The following ARL15 variants were observed in gnomAD, a reference collection of about 807,000 sequenced individuals.
The protein encoded by ARL15 is ARF like GTPase 15.
ARL15 carries 19 observed loss-of-function variants against 25.2 expected under a neutral mutation model. The observed-to-expected ratio is 0.75, with a 90% CI of 0.53 to 1.10. ARL15 has a LOEUF of 1.10. Among genes scored for constraint, ARL15 ranks in the 50% least tolerant of loss-of-function variants. The pLI, the probability that ARL15 is intolerant of heterozygous loss-of-function variation, is 0.00. For missense variants in ARL15, 220 were observed against 246.0 expected (o/e 0.89, Z 0.71); for synonymous variants, 94 against 86.8 (o/e 1.08, Z -0.46).
At chr5:53,964,148 C>G (rs752869911) in intron 4 of ARL15, among the ~76,000 whole-genome samples, 1 of 152,110 alleles carries the variant, frequency 6.6e-6, no homozygotes, top group Non-Finnish European at 1.5e-5. Flanking sequence ...CTACCTGTTC[C>G]TCCCTCATCT....
At chr5:54,289,395 G>A (rs564201826) in intron 1 of ARL15, among the ~76,000 whole-genome samples, 1 of 151,786 alleles carries the variant, frequency 6.6e-6, no homozygotes, top group East Asian at 1.9e-4. Context: ...GTGCAGGAGA[G>A]GGTGGATTTC....
intron 1 of ARL15, among the ~76,000 whole-genome samples, chr5:54,260,240 C>A (rs1344831524): frequency 6.6e-6 from 1 of 152,174 alleles, no homozygotes; most frequent in Non-Finnish European, 1.5e-5. Context: ...CAGAGCCACT[C>A]TGAGCTTAAA....
intron 4 of ARL15, among the ~76,000 whole-genome samples, chr5:54,075,105 C>A (rs1751555511): frequency 2.2e-5 from 3 of 135,468 alleles, no homozygotes; most frequent in African/African-American, 2.7e-5. Context: ...CCTGGCCTAT[C>A]ATTATACTGT....
At chr5:53,953,262 A>G (rs1747037591) in intron 4 of ARL15, among the ~76,000 whole-genome samples, 1 of 152,302 alleles carries the variant, frequency 6.6e-6, no homozygotes, top group Non-Finnish European at 1.5e-5. Flanking sequence ...TTATCCATAA[A>G]ATAAATGAGA....
intron 1 of ARL15, among the ~76,000 whole-genome samples, chr5:54,238,361 C>A (rs886721594): frequency 6.6e-6 from 1 of 152,084 alleles, no homozygotes; most frequent in Non-Finnish European, 1.5e-5. Flanking sequence ...CTAATACACA[C>A]AACAATCACA....
intron 4 of ARL15, among the ~76,000 whole-genome samples, chr5:53,971,710 T>C (rs1315986141): frequency 1.3e-5 from 2 of 152,288 alleles, no homozygotes; most frequent in East Asian, 3.9e-4. Context: ...ATAACAAGTC[T>C]CCTTATGCAT....
At chr5:54,295,926 C>G (rs1474957357) in intron 1 of ARL15, among the ~76,000 whole-genome samples, 1 of 152,212 alleles carries the variant, frequency 6.6e-6, no homozygotes, top group African/African-American at 2.4e-5. Flanking sequence ...TTGTTTGACT[C>G]CAATGAAATA....
intron 3 of ARL15, among the ~76,000 whole-genome samples, chr5:54,152,825 G>A (rs1054362182): frequency 4.6e-5 from 7 of 152,112 alleles, no homozygotes; most frequent in South Asian, 2.1e-4. Context: ...AAATTAAACC[G>A]TGCTTGAGAA....
chr5:54,246,138 CTT>C (rs11318745), intron 1 of ARL15, among the ~76,000 whole-genome samples: 67 of 147,496 alleles, frequency 4.5e-4, no homozygotes, highest in South Asian at 6.4e-4. Flanking sequence ...TCTTCACTCA[CTT>C]TTTTTTTTTT....
chr5:54,102,033 G>A (rs1338944318), intron 4 of ARL15, among the ~76,000 whole-genome samples: 16 of 133,124 alleles, frequency 1.2e-4, no homozygotes, highest in African/African-American at 4.4e-4. Flanking sequence ...TTTTTTTTGA[G>A]ACAGAGTCTC....
chr5:53,924,325 T>G (rs1250918558), intron 4 of ARL15, among the ~76,000 whole-genome samples: 1 of 152,222 alleles, frequency 6.6e-6, no homozygotes, highest in Non-Finnish European at 1.5e-5. Flanking sequence ...ATGGGAGATA[T>G]TCCCAATTTT....
chr5:53,949,670 A>G (rs1295309977), intron 4 of ARL15, among the ~76,000 whole-genome samples: 5 of 152,220 alleles, frequency 3.3e-5, no homozygotes, highest in Admixed American at 2.6e-4. Context: ...ACTTAATCCA[A>G]AAATACTGTG....
chr5:54,254,787 A>G (rs900059688), intron 1 of ARL15, among the ~76,000 whole-genome samples: 1 of 152,240 alleles, frequency 6.6e-6, no homozygotes, highest in African/African-American at 2.4e-5. Context: ...GGGGCAGGGG[A>G]TAAATGTTAT....
chr5:54,131,071 T>G (rs1753413915), intron 3 of ARL15, among the ~76,000 whole-genome samples: 1 of 152,178 alleles, frequency 6.6e-6, no homozygotes, highest in Admixed American at 6.5e-5. Context: ...CCTTGGGGTG[T>G]CCAGTGGGAC....
At chr5:54,256,576 C>G (rs1487310203) in intron 1 of ARL15, among the ~76,000 whole-genome samples, 1 of 142,468 alleles carries the variant, frequency 7.0e-6, no homozygotes, top group Non-Finnish European at 1.5e-5. Context: ...TCTATGAAGC[C>G]AGTATTACCC....
intron 4 of ARL15, among the ~76,000 whole-genome samples, chr5:54,048,807 A>C (rs533988864): frequency 1.3e-5 from 2 of 151,876 alleles, no homozygotes; most frequent in East Asian, 1.9e-4. Context: ...AAAAAAAAAA[A>C]AACAACAGTC....
chr5:53,966,391 C>T lies in ARL15; in HGVS notation c.463-79678G>A, dbSNP rs10063636. On this transcript the variant is annotated intron_variant, in intron 4 of 4. Transcript: ENST00000504924. ...CTTCATCCGTATCCTTTGTAATGTC[C>T]TTCATAATAAAGCGGTAAATGTAAG... Among the ~76,000 whole-genome samples, 1,377 of 152,258 alleles carry T rather than the reference C, an allele frequency of 9.0e-3. 18 individuals are homozygous for T. The highest frequency in any genetic ancestry group is 0.032 in the African/African-American group (1,323 of 41,536).
At chr5:54,244,583 C>T (rs559549378) in intron 1 of ARL15, among the ~76,000 whole-genome samples, 18 of 152,272 alleles carry the variant, frequency 1.2e-4, no homozygotes, top group Admixed American at 2.6e-4. Context: ...ATCATCTAGA[C>T]TGGCAGCAAT....
chr5:54,142,711 A>AT (rs1378888799), intron 3 of ARL15, among the ~76,000 whole-genome samples: 1 of 152,080 alleles, frequency 6.6e-6, no homozygotes, highest in Non-Finnish European at 1.5e-5. Context: ...TAGTGTGGGG[A>AT]TAAAAACTAA....
Sources: gnomAD v4.1 joint callset for allele counts (sites outside exome capture counted in the v4.1 genomes callset) on GRCh38, gnomAD v4.1.1 for gene constraint, MANE v1.5 for transcripts, NCBI Gene and HGNC (gene_info 2026-07-23, HGNC 2026-07-21) for gene names.